Variants in WDPCP observed in about 807,000 individuals in gnomAD.
The protein encoded by WDPCP is WD repeat-containing and planar cell polarity effector protein fritz homolog.
In WDPCP, 71 loss-of-function variants were observed where a neutral mutation model predicts 93.1. The observed-to-expected ratio is 0.76, with a 90% CI of 0.63 to 0.93. The LOEUF is 0.93. Among genes scored for constraint, WDPCP ranks in the 40% least tolerant of loss-of-function variants. The probability of loss-of-function intolerance (pLI) is 0.00; values close to 1 mark genes in which losing one functional copy is unlikely to be tolerated. For synonymous variants in WDPCP, 315 were observed against 315.0 expected (o/e 1.00, Z 0.00); for missense variants, 844 against 887.4 (o/e 0.95, Z 0.62).
chr2:63,602,351 T>G (rs1575725244), intron 3 of WDPCP, among the ~76,000 whole-genome samples: 2 of 52,844 alleles, frequency 3.8e-5, no homozygotes, highest in Non-Finnish European at 6.9e-5. Context: ...GTTGGGGTTT[T>G]TTTTTTTTTT....
chr2:63,299,530 A>G (rs774503455), intron 13 of WDPCP, among the ~76,000 whole-genome samples: 3 of 152,166 alleles, frequency 2.0e-5, no homozygotes, highest in East Asian at 3.9e-4. Context: ...TCAAGGGGCT[A>G]TTAGTTCATG....
chr2:63,632,959 A>C (rs1709879500), intron 3 of WDPCP, among the ~76,000 whole-genome samples: 1 of 152,236 alleles, frequency 6.6e-6, no homozygotes, highest in Non-Finnish European at 1.5e-5. Context: ...AAGACAGAGA[A>C]AATTTTGAAA....
chr2:63,505,018 C>A (rs1354813852), intron 1 of WDPCP, among the ~76,000 whole-genome samples: 1 of 151,934 alleles, frequency 6.6e-6, no homozygotes. Flanking sequence ...ATCACAGAAG[C>A]TTTATTTCTA....
In WDPCP at chr2:63,588,186, CCAGGGCT is replaced by C; in HGVS notation, c.75+4_75+10del. 2 of 1,561,002 alleles carry C rather than the reference CCAGGGCT, an allele frequency of 1.3e-6. No individual in the cohort carries two copies. Among genetic ancestry groups the C allele is most frequent in the Non-Finnish European group, 1.7e-6 (2 of 1,150,790 alleles). On this transcript the variant is annotated splice_donor_5th_base_variant and intron_variant, in intron 1 of 17. Transcript: ENST00000272321. ...TAAAAGAAAACCCCTTGCCCTCGGG[CCAGGGCT>C]CACCTGTCTCGGGAGTGGGGAAGAA...
intron 3 of WDPCP, among the ~76,000 whole-genome samples, chr2:63,636,503 C>T (rs1334435459): frequency 1.3e-5 from 2 of 152,122 alleles, no homozygotes; most frequent in Non-Finnish European, 2.9e-5. Flanking sequence ...ATGGTGCAAT[C>T]ATGGCTCACT....
In WDPCP at chr2:63,507,244, A is replaced by G. The variant is rs560937765; in HGVS notation, c.76-14304T>C. Among the ~76,000 whole-genome samples the G allele has an allele frequency of 2.0e-5, 3 of 152,208 alleles. No homozygotes were observed. In the East Asian group the frequency reaches 5.8e-4, roughly 29 times the overall value. ...CTGGAGATAAATAAAATATAGTAAA[A>G]GTTTGCAGAGAAGGAAAAAAAAAAT... On this transcript the variant is annotated intron_variant, in intron 1 of 17. Transcript: ENST00000272321.
chr2:63,683,940 GCA>G (rs1215243715), intron 2 of WDPCP, among the ~76,000 whole-genome samples: 1 of 151,762 alleles, frequency 6.6e-6, no homozygotes, highest in South Asian at 2.1e-4. Flanking sequence ...AAATATATAT[GCA>G]CCCAACACTG....
intron 2 of WDPCP, among the ~76,000 whole-genome samples, chr2:63,786,935 C>A (rs1670473943): frequency 6.6e-6 from 1 of 152,064 alleles, no homozygotes; most frequent in Non-Finnish European, 1.5e-5. Context: ...ATCTGGCACA[C>A]AATAGTCAGT....
At chr2:63,482,418 G>A (rs1402070569) in intron 6 of WDPCP, among the ~76,000 whole-genome samples, 1 of 151,900 alleles carries the variant, frequency 6.6e-6, no homozygotes, top group Non-Finnish European at 1.5e-5. Flanking sequence ...CCACCATACT[G>A]GATATGTGCA....
intron 14 of WDPCP, among the ~76,000 whole-genome samples, chr2:63,240,281 G>A (rs1290862691): frequency 6.6e-6 from 1 of 152,006 alleles, no homozygotes; most frequent in African/African-American, 2.4e-5. Flanking sequence ...TGGCCCAAGT[G>A]ATCCTCCTAC....
At chr2:63,555,661 T>G (rs1054140520) in intron 1 of WDPCP, among the ~76,000 whole-genome samples, 19 of 152,184 alleles carry the variant, frequency 1.2e-4, no homozygotes, top group African/African-American at 4.6e-4. Flanking sequence ...ATCTTTGTTG[T>G]TCTGCAGCCT....
At chr2:63,522,451 G>GACAC (rs1342647114) in intron 1 of WDPCP, among the ~76,000 whole-genome samples, 13,405 of 89,798 alleles carry the variant, frequency 0.15, 697 homozygotes, top group Non-Finnish European at 0.2. Context: ...CAGACAGACA[G>GACAC]ACAGACACAC....
chr2:63,196,704 G>A (rs747765661), intron 14 of WDPCP, among the ~76,000 whole-genome samples: 12 of 152,202 alleles, frequency 7.9e-5, no homozygotes, highest in Non-Finnish European at 1.5e-4. Flanking sequence ...AAATCATTGA[G>A]AAGAAAGGAT....
At chr2:63,209,827 A>G (rs1406907738) in intron 14 of WDPCP, among the ~76,000 whole-genome samples, 2 of 152,262 alleles carry the variant, frequency 1.3e-5, no homozygotes, top group African/African-American at 2.4e-5. Flanking sequence ...TATAAAAAAG[A>G]GAAGGGGTCA....
chr2:63,122,595 C>A (rs900735996), intron 17 of WDPCP, among the ~76,000 whole-genome samples: 1 of 152,086 alleles, frequency 6.6e-6, no homozygotes, highest in Admixed American at 6.5e-5. Context: ...TTCTTTTGCA[C>A]CTTCTGCCCA....
At chr2:63,480,434 A>T (rs897828670) in intron 6 of WDPCP, among the ~76,000 whole-genome samples, 1 of 152,072 alleles carries the variant, frequency 6.6e-6, no homozygotes, top group African/African-American at 2.4e-5. Flanking sequence ...CCAAAGCAAG[A>T]CTAAACAAAA....
Position 63,663,843 on chromosome 2 carries a change from G to A in WDPCP, n.309-13005C>T, listed in dbSNP as rs113527104. Among the ~76,000 whole-genome samples, 1,315 of 152,218 alleles carry A rather than the reference G, an allele frequency of 8.6e-3. 9 individuals carry two copies. Among genetic ancestry groups the A allele is most frequent in the Non-Finnish European group, 0.013 (852 of 67,990 alleles). ...GGAATTTTTAAATTTGATAATTGAT[G>A]TTCACATCATGCATTTGTGGATTTT... On this transcript the variant is annotated intron_variant and non_coding_transcript_variant, in intron 2 of 4. Transcript: ENST00000467687.
Position 63,291,682 on chromosome 2 carries a change from G to T in WDPCP, c.1812+21566C>A, listed in dbSNP as rs190192224. 1.2e-3 allele frequency among the ~76,000 whole-genome samples: 184 copies of T among 152,192 alleles called. 2 individuals are homozygous for T. Among genetic ancestry groups the T allele is most frequent in the Non-Finnish European group, 5.9e-5 (4 of 68,008 alleles). On this transcript the variant is annotated intron_variant, in intron 13 of 17. Coordinates refer to ENST00000272321, the MANE Select transcript of WDPCP (RefSeq NM_015910.7). ...AAATTAGCTGGGCATGGTGGCTTAT[G>T]CCTGTAATCCCAGGTACTTGGGAGG...
At chr2:63,276,084 C>A (rs980932400) in intron 13 of WDPCP, among the ~76,000 whole-genome samples, 6 of 152,170 alleles carry the variant, frequency 3.9e-5, no homozygotes, top group African/African-American at 1.4e-4. Context: ...ACTACCAGCC[C>A]AGAGCCCAGT....
Sources: gnomAD v4.1 joint callset for allele counts (sites outside exome capture counted in the v4.1 genomes callset) on GRCh38, gnomAD v4.1.1 for gene constraint, MANE v1.5 for transcripts, NCBI Gene and HGNC (gene_info 2026-07-23, HGNC 2026-07-21) for gene names.